TMTC2: variants seen among roughly 807,000 people sequenced by gnomAD.
TMTC2 encodes the protein transmembrane O-mannosyltransferase targeting cadherins 2, also known as protein O-mannosyl-transferase TMTC2.
A neutral mutation model predicts 82.4 loss-of-function variants in TMTC2; 43 were observed. The ratio of observed to expected loss-of-function variants is 0.52; its 90% CI spans 0.41 to 0.67. The LOEUF is 0.67. Among genes scored for constraint, TMTC2 ranks in the 30% least tolerant of loss-of-function variants. TMTC2 has a pLI of 0.00. For missense variants in TMTC2, 919 were observed against 1,012.4 expected (o/e 0.91, Z 1.25); for synonymous variants, 408 against 381.9 (o/e 1.07, Z -0.80).
At chr12:82,991,009 G>A (rs1879375550) in intron 8 of TMTC2, among the ~76,000 whole-genome samples, 1 of 152,128 alleles carries the variant, frequency 6.6e-6, no homozygotes, top group African/African-American at 2.4e-5. Flanking sequence ...CACAAGAGGG[G>A]CGTGCATCTC....
chr12:83,126,433 C>A (rs903137157), intron 11 of TMTC2, among the ~76,000 whole-genome samples: 32 of 152,012 alleles, frequency 2.1e-4, no homozygotes, highest in African/African-American at 7.7e-4. Context: ...TAATAAAAAA[C>A]CTGCATATGG....
chr12:83,125,555 G>A (rs762037230), intron 11 of TMTC2, among the ~76,000 whole-genome samples: 1 of 152,182 alleles, frequency 6.6e-6, no homozygotes, highest in Non-Finnish European at 1.5e-5. Context: ...TACAGATTGA[G>A]TATTCCTTGT....
intron 11 of TMTC2, among the ~76,000 whole-genome samples, chr12:83,122,074 C>T (rs61929902): frequency 0.089 from 13,448 of 151,750 alleles, 1,092 homozygotes; most frequent in African/African-American, 0.21. Flanking sequence ...CCATGCTACC[C>T]GCTTCCCAGC....
chr12:82,806,264 G>GA (rs977259233), intron 1 of TMTC2, among the ~76,000 whole-genome samples: 6 of 151,748 alleles, frequency 4.0e-5, no homozygotes, highest in South Asian at 2.1e-4. Flanking sequence ...TTTAAGACAA[G>GA]AAAAAAAATG....
At chr12:82,761,872 C>CTCTT (rs755058727) in intron 1 of TMTC2, among the ~76,000 whole-genome samples, 102 of 10,692 alleles carry the variant, frequency 9.5e-3, no homozygotes, top group Non-Finnish European at 0.048. Flanking sequence ...TTCTCTTTCT[C>CTCTT]TCTTTCTTTC....
At chr12:82,727,245 CT>C (rs1336998816) in intron 1 of TMTC2, among the ~76,000 whole-genome samples, 1 of 151,656 alleles carries the variant, frequency 6.6e-6, no homozygotes, top group Non-Finnish European at 1.5e-5. Flanking sequence ...GTCTTTTTTC[CT>C]TTTCCGTGTA....
intron 1 of TMTC2, among the ~76,000 whole-genome samples, chr12:82,756,290 T>C (rs553189415): frequency 4.1e-4 from 63 of 152,334 alleles, no homozygotes; most frequent in Admixed American, 9.8e-4. Context: ...AATTTTTCCA[T>C]GTATATGAAA....
chr12:82,749,769 G>A (rs1323919960), intron 1 of TMTC2, among the ~76,000 whole-genome samples: 1 of 128,368 alleles, frequency 7.8e-6, no homozygotes, highest in Non-Finnish European at 1.6e-5. Context: ...GCGGAGTCTC[G>A]CTTTGTTGCC....
intron 8 of TMTC2, 60 bp from the exon 9 acceptor site, chr12:83,030,738 A>G (rs1440019897): frequency 1.5e-6 from 2 of 1,309,938 alleles, no homozygotes; most frequent in East Asian, 2.3e-5. Flanking sequence ...AGTTAGGCCC[A>G]GGCAGTGAAG....
rs186930590 is a variant in TMTC2 at position 82,713,095 on chromosome 12, G to A, written c.83+25426G>A. 1.3e-4 allele frequency among the ~76,000 whole-genome samples: 20 copies of A among 152,230 alleles called. No homozygotes were observed. The East Asian group carries it at 1.9e-3, about 15-fold the overall frequency. On this transcript the variant is annotated intron_variant, in intron 1 of 11. Coordinates refer to ENST00000321196, the MANE Select transcript of TMTC2 (RefSeq NM_152588.3). ...AGCACTTTGGGAGGCCAAGGAGGGC[G>A]GATCATCTGAGGTCAGGGGTTCGAG...
intron 3 of TMTC2, among the ~76,000 whole-genome samples, chr12:82,920,690 A>G (rs979292441): frequency 2.6e-5 from 4 of 152,108 alleles, no homozygotes; most frequent in Admixed American, 2.6e-4. Flanking sequence ...AACTCCACAG[A>G]TCATATTTTC....
Position 82,949,332 on chromosome 12 carries a change from G to T in TMTC2, c.1599-15692G>T, listed in dbSNP as rs1325579745. ...TAGATGCTTTTCATTTCTTAATTTT[G>T]TTTGTTTTAAATAAAAATTCTCCCA... On this transcript the variant is annotated intron_variant, in intron 4 of 11. Coordinates refer to ENST00000321196, the MANE Select transcript of TMTC2 (RefSeq NM_152588.3). Among the ~76,000 whole-genome samples the T allele has an allele frequency of 2.6e-5, 4 of 152,210 alleles. No individual in the cohort carries two copies. The South Asian group carries it at 8.3e-4, about 32-fold the overall frequency.
intron 7 of TMTC2, among the ~76,000 whole-genome samples, chr12:82,983,022 C>T (rs1878995310): frequency 6.6e-6 from 1 of 151,924 alleles, no homozygotes; most frequent in African/African-American, 2.4e-5. Context: ...TCTTGCAAAC[C>T]TACTTTGATC....
At position 82,758,423 on chromosome 12, in the gene TMTC2, A is replaced by G. The variant is rs568361678; in HGVS notation, c.83+70754A>G. 4 of 152,276 alleles carry G rather than the reference A, an allele frequency of 2.6e-5. No individual in the cohort carries two copies. In the South Asian group the frequency reaches 8.3e-4, roughly 32 times the overall value. The allele number at this position is 152,276 out of a possible 1,614,324, so 9.4% of individuals were successfully genotyped here. A position where few individuals can be genotyped will look rare whatever the true frequency, so the allele number is the denominator to read the frequency against. On this transcript the variant is annotated intron_variant, in intron 1 of 11. Transcript: ENST00000321196. ...TACAATATGACTCACAATATCAAAAAATGGTGTGGATTCATGGAGTTTCTT... is the reference window on the plus strand; with the variant it reads ...TACAATATGACTCACAATATCAAAAGATGGTGTGGATTCATGGAGTTTCTT...
intron 1 of TMTC2, among the ~76,000 whole-genome samples, chr12:82,808,208 T>G (rs1879330909): frequency 6.6e-6 from 1 of 151,962 alleles, no homozygotes. Context: ...GTAAAAATTA[T>G]TAGCTAAATT....
chr12:82,886,290 G>A (rs1399208437), intron 2 of TMTC2, among the ~76,000 whole-genome samples: 1 of 152,066 alleles, frequency 6.6e-6, no homozygotes, highest in African/African-American at 2.4e-5. Context: ...TTTATCCAAG[G>A]AGCCCTGATA....
intron 4 of TMTC2, among the ~76,000 whole-genome samples, chr12:82,952,915 T>C (rs1002969090): frequency 6.6e-6 from 1 of 152,118 alleles, no homozygotes; most frequent in African/African-American, 2.4e-5. Flanking sequence ...ATATGGCATT[T>C]TGTCAGTTGG....
chr12:83,075,484 A>G lies in TMTC2; in HGVS notation c.2331+13653A>G, dbSNP rs538195740. On this transcript the variant is annotated intron_variant, in intron 11 of 11. Transcript: ENST00000321196. ...ACCCCTCCCCCCAAAATAGGTTTCA[A>G]TCAAGAGAAGTTATTAGTTTTCCCC... Among the ~76,000 whole-genome samples, 8 of 152,182 alleles carry G rather than the reference A, an allele frequency of 5.3e-5. No individual in the cohort carries two copies. In the South Asian group the frequency reaches 1.7e-3, roughly 32 times the overall value.
At chr12:83,057,408 T>C (rs1359007031) in intron 10 of TMTC2, among the ~76,000 whole-genome samples, 2 of 151,950 alleles carry the variant, frequency 1.3e-5, no homozygotes, top group Admixed American at 6.6e-5. Context: ...GACAGAGAAG[T>C]TTTCATCTAA....
Sources: gnomAD v4.1 joint callset for allele counts (sites outside exome capture counted in the v4.1 genomes callset) on GRCh38, gnomAD v4.1.1 for gene constraint, MANE v1.5 for transcripts, NCBI Gene and HGNC (gene_info 2026-07-23, HGNC 2026-07-21) for gene names.